ADRA1A: variants seen among roughly 807,000 people sequenced by gnomAD.
ADRA1A encodes the protein adrenoceptor alpha 1A.
A neutral mutation model predicts 29.6 loss-of-function variants in ADRA1A; 31 were observed. That is an observed-to-expected ratio of 1.05 (90% CI 0.79 to 1.41). The LOEUF is 1.41. Among genes scored for constraint, ADRA1A ranks in the 40% most tolerant of loss-of-function variants. The pLI is 0.00. For missense variants in ADRA1A, 619 were observed against 601.1 expected (o/e 1.03, Z -0.31); for synonymous variants, 311 against 254.3 (o/e 1.22, Z -2.12).
rs151151558 is a variant in ADRA1A, at chr8:26,758,800, C to T, written c.1270-2021G>A. Among the ~76,000 whole-genome samples, 338 of 152,278 alleles carry T rather than the reference C, an allele frequency of 2.2e-3. 1 individual carries two copies. The highest frequency in any genetic ancestry group is 7.4e-3 in the African/African-American group (309 of 41,566). ...AACACCAGGAGAACACACAAGAGAGCGCAGCTCTTTCCAGTATTTCTCTTT... is the reference window on the plus strand; with the variant it reads ...AACACCAGGAGAACACACAAGAGAGTGCAGCTCTTTCCAGTATTTCTCTTT... On this transcript the variant is annotated intron_variant, in intron 2 of 2. Coordinates refer to the ADRA1A transcript ENST00000380582.
intron 2 of ADRA1A, among the ~76,000 whole-genome samples, chr8:26,801,653 T>A (rs1158952064): frequency 6.9e-6 from 1 of 143,886 alleles, no homozygotes; most frequent in Non-Finnish European, 1.5e-5. Context: ...TGTTCATGGA[T>A]TGGAAGAATC....
chr8:26,834,190 A>G lies in ADRA1A; in HGVS notation c.883+29897T>C, dbSNP rs554194465. 6.6e-5 allele frequency among the ~76,000 whole-genome samples: 10 copies of G among 152,356 alleles called. No individual in the cohort carries two copies. In the South Asian group the frequency reaches 1.7e-3, roughly 25 times the overall value. On this transcript the variant is annotated intron_variant, in intron 2 of 2. Transcript: ENST00000380573. ...TACCAAGGGATACATTTAATAAGCA[A>G]TGTATACAATAAACAATAGAGAAAG...
intron 2 of ADRA1A, among the ~76,000 whole-genome samples, chr8:26,830,891 C>T (rs539089510): frequency 2.6e-5 from 4 of 152,120 alleles, no homozygotes; most frequent in African/African-American, 4.8e-5. Flanking sequence ...AGGGTCATTG[C>T]GGGCGGGAGG....
intron 2 of ADRA1A, among the ~76,000 whole-genome samples, chr8:26,859,896 T>C (rs926573982): frequency 3.9e-5 from 6 of 151,900 alleles, no homozygotes; most frequent in Admixed American, 3.3e-4. Flanking sequence ...GCCTACCAGG[T>C]AGCTGGTATT....
chr8:26,782,525 C>G (rs1316233796), intron 2 of ADRA1A, among the ~76,000 whole-genome samples: 6 of 152,112 alleles, frequency 3.9e-5, no homozygotes, highest in Non-Finnish European at 8.8e-5. Context: ...CCATGCCTTC[C>G]TCTTTCATAT....
At chr8:26,770,769 A>G in intron 2 of ADRA1A, 103 bp from the exon 3 acceptor site, 1 of 1,441,472 alleles carries the variant, frequency 6.9e-7, no homozygotes. Flanking sequence ...TTAAACGGTT[A>G]AAATGATCCC....
At chr8:26,803,043 G>A (rs989959457) in intron 2 of ADRA1A, among the ~76,000 whole-genome samples, 21 of 152,152 alleles carry the variant, frequency 1.4e-4, no homozygotes, top group African/African-American at 4.6e-4. Flanking sequence ...GACTCATGGA[G>A]ACAGAGAGTA....
intron 2 of ADRA1A, among the ~76,000 whole-genome samples, chr8:26,829,238 A>G (rs780334758): frequency 2.4e-4 from 37 of 152,274 alleles, no homozygotes; most frequent in Admixed American, 6.5e-4. Context: ...ACACAAGACC[A>G]TATAAAGAGA....
chr8:26,776,233 C>A (rs1404143135), intron 2 of ADRA1A, among the ~76,000 whole-genome samples: 1 of 152,220 alleles, frequency 6.6e-6, no homozygotes, highest in Non-Finnish European at 1.5e-5. Context: ...CTATCCAGCA[C>A]TGGTCATTAG....
At chr8:26,818,057 A>G (rs557871277) in intron 2 of ADRA1A, among the ~76,000 whole-genome samples, 19 of 152,360 alleles carry the variant, frequency 1.2e-4, no homozygotes, top group African/African-American at 4.3e-4. Flanking sequence ...CATTACGCTG[A>G]GTAAAAGATG....
At chr8:26,771,777 A>C (rs1023384721) in intron 2 of ADRA1A, 8 of 153,416 alleles carry the variant, frequency 5.2e-5, no homozygotes, top group African/African-American at 1.9e-4. Flanking sequence ...CCAGCCTTGC[A>C]CTTGTCCACA....
rs761931358 is a variant in ADRA1A, at chr8:26,770,068, C to G, written c.*81G>C. 132 of 1,512,040 alleles carry G rather than the reference C, an allele frequency of 8.7e-5. No individual in the cohort carries two copies. The highest frequency in any genetic ancestry group is 9.4e-5 in the Non-Finnish European group (107 of 1,132,482). The allele number at this position is 1,512,040 out of a possible 1,614,324, so 93.7% of individuals were successfully genotyped here. Reference sequence around the variant, plus strand: ...CCTCTTTGATTGGTCCTGTCTTGTCCTCCAAGAAGAGCTGGCCTTCCGAGA... The same window carrying G: ...CCTCTTTGATTGGTCCTGTCTTGTCGTCCAAGAAGAGCTGGCCTTCCGAGA... On this transcript the variant is annotated 3_prime_UTR_variant, in exon 3 of 3. Coordinates refer to ENST00000380573, the MANE Select transcript of ADRA1A (RefSeq NM_000680.4).
downstream of ADRA1A, among the ~76,000 whole-genome samples, chr8:26,756,107 G>A (rs1805154412): frequency 6.6e-6 from 1 of 152,106 alleles, no homozygotes; most frequent in Admixed American, 6.5e-5. Flanking sequence ...AAAGCAAATT[G>A]CAAACATACT....
In ADRA1A at chr8:26,860,415, T is replaced by G. The variant is rs2130784824; in HGVS notation, c.883+3672A>C. 6.6e-6 allele frequency among the ~76,000 whole-genome samples: 1 copy of G among 152,280 alleles called. No homozygotes were observed. The highest frequency in any genetic ancestry group is 1.9e-4 in the East Asian group (1 of 5,174). On this transcript the variant is annotated intron_variant, in intron 2 of 2. Coordinates refer to ENST00000380573, the MANE Select transcript of ADRA1A (RefSeq NM_000680.4). This position sits in a 1 kb window ranked among gnomAD's most constrained non-coding sequence, Gnocchi z 4.7. ...GGGACTCACAGTAGGTCCTCAGCAT[T>G]GCCTCCTGTATCCCTCAGCTGCTTA...
rs908206658 is a variant in ADRA1A at position 26,775,883 on chromosome 8, C to T, written c.884-5217G>A. 4.2e-4 allele frequency among the ~76,000 whole-genome samples: 64 copies of T among 152,302 alleles called. No individual in the cohort carries two copies. Among genetic ancestry groups the T allele is most frequent in the African/African-American group, 1.5e-3 (63 of 41,558 alleles). On this transcript the variant is annotated intron_variant, in intron 2 of 2. Coordinates refer to ENST00000380573, the MANE Select transcript of ADRA1A (RefSeq NM_000680.4). The surrounding 1 kb of genome is among the most constrained non-coding windows in gnomAD (Gnocchi z 4.1). ...ATCCTCACTTCCACTGTAAAGGCCTCTAGATGCCAAGAAGAAATTGAAACG... is the reference window on the plus strand; with the variant it reads ...ATCCTCACTTCCACTGTAAAGGCCTTTAGATGCCAAGAAGAAATTGAAACG...
chr8:26,780,690 C>A (rs752087211), intron 2 of ADRA1A, among the ~76,000 whole-genome samples: 20 of 152,196 alleles, frequency 1.3e-4, no homozygotes, highest in Non-Finnish European at 1.8e-4. Context: ...GGCTGTATGG[C>A]AGGAGGTGTG....
At chr8:26,756,459 G>A in exon 3 of ADRA1A, 1 of 1,457,732 alleles carries the variant, frequency 6.9e-7, no homozygotes, top group Non-Finnish European at 9.1e-7. Flanking sequence ...GGGGAGGGAG[G>A]TTGTATGAAA....
intron 2 of ADRA1A, among the ~76,000 whole-genome samples, chr8:26,804,568 A>T (rs1453616529): frequency 2.6e-5 from 4 of 152,206 alleles, no homozygotes; most frequent in African/African-American, 9.6e-5. Context: ...TAAACAGATC[A>T]GTATTTGCCT....
chr8:26,776,117 C>T (rs536208726), intron 2 of ADRA1A, among the ~76,000 whole-genome samples: 2 of 152,280 alleles, frequency 1.3e-5, no homozygotes, highest in African/African-American at 4.8e-5. Flanking sequence ...CAAGATAAAA[C>T]CATTTTTTCC....
Sources: allele counts gnomAD v4.1 joint callset (sites outside exome capture counted in the v4.1 genomes callset), GRCh38; gene constraint gnomAD v4.1.1; non-coding constraint Gnocchi (gnomAD v3.1); transcripts MANE v1.5; gene names NCBI Gene and HGNC (gene_info 2026-07-23, HGNC 2026-07-21).